TENM2: variants seen among roughly 807,000 people sequenced by gnomAD.
The protein encoded by TENM2 is teneurin-2.
In TENM2, 52 loss-of-function variants were observed where a neutral mutation model predicts 245.2. The ratio of observed to expected loss-of-function variants is 0.21; its 90% CI spans 0.17 to 0.27. The LOEUF is 0.27. TENM2 is among the 10% of genes least tolerant of loss of function. TENM2 has a pLI of 1.00. For synonymous variants in TENM2, 1,363 were observed against 1,438.9 expected (o/e 0.95, Z 1.19); for missense variants, 3,046 against 3,666.8 (o/e 0.83, Z 4.37).
intron 2 of TENM2, among the ~76,000 whole-genome samples, chr5:167,672,108 G>A (rs1582710553): frequency 6.6e-6 from 1 of 152,126 alleles, no homozygotes; most frequent in East Asian, 1.9e-4. Flanking sequence ...ATGATTTATA[G>A]TAAATCTGTG....
At chr5:168,089,651 G>A (rs1792754752) in intron 7 of TENM2, among the ~76,000 whole-genome samples, 1 of 152,180 alleles carries the variant, frequency 6.6e-6, no homozygotes, top group South Asian at 2.1e-4. Context: ...GCCAATCTAT[G>A]TCTAAATTTT....
At chr5:167,097,610 C>T in the TENM2 span, among the ~76,000 whole-genome samples, 29 of 152,200 alleles carry the variant, frequency 1.9e-4, no homozygotes, top group East Asian at 3.7e-3. Context: ...TTTCTATGTA[C>T]GTTAACATCC....
intron 2 of TENM2, among the ~76,000 whole-genome samples, chr5:167,607,704 A>G (rs1455678946): frequency 6.6e-6 from 1 of 152,208 alleles, no homozygotes; most frequent in Non-Finnish European, 1.5e-5. Flanking sequence ...TCTAGGGACG[A>G]TAGTCATTCA....
the TENM2 span, chr5:167,119,457 A>C: frequency 1.7e-4 from 26 of 152,164 alleles, no homozygotes; most frequent in African/African-American, 6.3e-4. Context: ...AAAAAACATA[A>C]ATTTACTTCT....
At chr5:167,412,301 GAA>G (rs35735973) in intron 2 of TENM2, among the ~76,000 whole-genome samples, 26,444 of 151,962 alleles carry the variant, frequency 0.17, 2,559 homozygotes, top group South Asian at 0.28. Context: ...AGCCTGAGGA[GAA>G]AAGAGAGGGA....
chr5:167,312,848 T>C (rs1756120171), intron 1 of TENM2, among the ~76,000 whole-genome samples: 1 of 151,498 alleles, frequency 6.6e-6, no homozygotes, highest in Non-Finnish European at 1.5e-5. Context: ...GACCGGACCC[T>C]GGCAAAGCAG....
At chr5:167,400,784 A>C (rs1043801033) in intron 2 of TENM2, among the ~76,000 whole-genome samples, 3 of 152,156 alleles carry the variant, frequency 2.0e-5, no homozygotes, top group African/African-American at 7.2e-5. Flanking sequence ...TCTTGGCAGA[A>C]GGGACTATTA....
chr5:168,238,157 AAGAGAGAGAG>A (rs1164402441), intron 25 of TENM2, among the ~76,000 whole-genome samples: 34 of 69,926 alleles, frequency 4.9e-4, no homozygotes, highest in African/African-American at 2.4e-3. Flanking sequence ...GAAAGAAAGA[AAGAGAGAGAG>A]AGAGAGAGAG....
At chr5:167,069,292 T>C in the TENM2 span, among the ~76,000 whole-genome samples, 1 of 152,140 alleles carries the variant, frequency 6.6e-6, no homozygotes, top group Non-Finnish European at 1.5e-5. Flanking sequence ...TTTGTGGCAT[T>C]TGTGTAAGAT....
At chr5:167,284,600 A>G (rs1771229883), upstream of TENM2, among the ~76,000 whole-genome samples, 1 of 152,206 alleles carries the variant, frequency 6.6e-6, no homozygotes, top group African/African-American at 2.4e-5. Context: ...GAGTTCTTCT[A>G]TTTAGGCTGA....
At chr5:167,078,050 GTTAAT>G in the TENM2 span, among the ~76,000 whole-genome samples, 5 of 151,712 alleles carry the variant, frequency 3.3e-5, no homozygotes, top group Non-Finnish European at 7.4e-5. Flanking sequence ...AATATTAGAT[GTTAAT>G]TTAATAGAAA....
chr5:167,015,937 TGAG>T, the TENM2 span, among the ~76,000 whole-genome samples: 2 of 151,982 alleles, frequency 1.3e-5, no homozygotes, highest in African/African-American at 4.8e-5. Flanking sequence ...GCCCAGAAAG[TGAG>T]GAGAATTCCA....
At chr5:167,193,805 T>C in the TENM2 span, among the ~76,000 whole-genome samples, 1 of 152,044 alleles carries the variant, frequency 6.6e-6, no homozygotes, top group Non-Finnish European at 1.5e-5. Context: ...CTTACTGTGT[T>C]CAAAGTGCTC....
At chr5:167,933,809 G>A (rs903286482) in intron 3 of TENM2, among the ~76,000 whole-genome samples, 1 of 152,026 alleles carries the variant, frequency 6.6e-6, no homozygotes, top group Non-Finnish European at 1.5e-5. Context: ...GTGTATAATG[G>A]GTATCTCCTT....
chr5:167,623,755 T>C (rs567419411), intron 2 of TENM2, among the ~76,000 whole-genome samples: 31 of 152,306 alleles, frequency 2.0e-4, no homozygotes, highest in Non-Finnish European at 4.1e-4. Flanking sequence ...GAGATGCTGA[T>C]TGTTTTGGTT....
intron 2 of TENM2, among the ~76,000 whole-genome samples, chr5:167,383,325 C>T (rs1761203747): frequency 6.6e-6 from 1 of 152,080 alleles, no homozygotes; most frequent in South Asian, 2.1e-4. Context: ...GGGTCTTGAA[C>T]TCTATGGGTC....
chr5:167,568,580 G>T (rs1161305306), intron 2 of TENM2, among the ~76,000 whole-genome samples: 2 of 151,956 alleles, frequency 1.3e-5, no homozygotes, highest in Admixed American at 6.6e-5. Flanking sequence ...CTAATATGGG[G>T]AGCACAGGCA....
At chr5:167,161,602 T>C in the TENM2 span, among the ~76,000 whole-genome samples, 4 of 152,336 alleles carry the variant, frequency 2.6e-5, no homozygotes, top group Non-Finnish European at 4.4e-5. Flanking sequence ...AACTTAGAAC[T>C]GCAAGCATTT....
the TENM2 span, among the ~76,000 whole-genome samples, chr5:167,187,970 G>A: frequency 6.6e-6 from 1 of 152,118 alleles, no homozygotes; most frequent in African/African-American, 2.4e-5. Flanking sequence ...AGCAGCGTCA[G>A]GAGTTGTTAT....
Sources: gnomAD v4.1 joint callset for allele counts (sites outside exome capture counted in the v4.1 genomes callset) on GRCh38, gnomAD v4.1.1 for gene constraint, MANE v1.5 for transcripts, NCBI Gene and HGNC (gene_info 2026-07-23, HGNC 2026-07-21) for gene names.